The following FAM167A variants were observed in gnomAD, a reference collection of about 807,000 sequenced individuals.
FAM167A encodes the protein protein FAM167A.
Under a neutral mutation model 14.9 loss-of-function variants are expected in FAM167A, and 23 were observed. The observed-to-expected ratio is 1.55, with a 90% CI of 1.11 to 2.19. The LOEUF (loss-of-function observed/expected upper bound fraction) is 2.19, where lower values mean the gene tolerates loss of function less well. Among genes scored for constraint, FAM167A ranks in the 30% most tolerant of loss-of-function variants. FAM167A has a pLI of 0.00. For synonymous variants in FAM167A, 174 were observed against 117.7 expected (o/e 1.48, Z -3.10); for missense variants, 401 against 281.5 (o/e 1.42, Z -3.04).
chr8:11,425,044 A>G (rs1805038160), intron 2 of FAM167A, among the ~76,000 whole-genome samples: 1 of 152,158 alleles, frequency 6.6e-6, no homozygotes, highest in Non-Finnish European at 1.5e-5. Flanking sequence ...GGAAAGGTAT[A>G]TGGGGGCTTT....
intron 1 of FAM167A, among the ~76,000 whole-genome samples, chr8:11,448,689 C>A (rs924627396): frequency 1.3e-5 from 2 of 152,252 alleles, no homozygotes; most frequent in African/African-American, 2.4e-5. Context: ...GCTCCACTTA[C>A]TAAAACCATT....
chr8:11,426,916 G>C lies in FAM167A; in HGVS notation c.382-2280C>G, dbSNP rs577585078. ...ATGCATTCGTCTCAGGCGAGCAGAG[G>C]GATGACTTTGAGTTTTGTCCTTTGT... On this transcript the variant is annotated intron_variant, in intron 2 of 2. Transcript: ENST00000284486. Among the ~76,000 whole-genome samples the C allele has an allele frequency of 2.3e-3, 349 of 152,250 alleles. 3 individuals are homozygous for C. The highest frequency in any genetic ancestry group is 2.4e-3 in the Non-Finnish European group (161 of 68,020).
chr8:11,466,479 C>T (rs975501799), intron 1 of FAM167A, 147 bp downstream of exon 1: 1 of 146,914 alleles, frequency 6.8e-6, no homozygotes, highest in East Asian at 1.9e-4. Flanking sequence ...GAGCGCGTCC[C>T]CTCCAGGGCG....
chr8:11,459,280 G>T (rs555826617), intron 1 of FAM167A, among the ~76,000 whole-genome samples: 1 of 152,130 alleles, frequency 6.6e-6, no homozygotes, highest in Non-Finnish European at 1.5e-5. Flanking sequence ...TCACAAGCAG[G>T]TCAGGGAAGG....
chr8:11,471,758 C>T (rs899194042), upstream of FAM167A, among the ~76,000 whole-genome samples: 4 of 152,208 alleles, frequency 2.6e-5, no homozygotes, highest in Non-Finnish European at 5.9e-5. Context: ...AATCCACTCC[C>T]TCCTTTCCAC....
chr8:11,456,357 GGT>G (rs1197591653), intron 1 of FAM167A, among the ~76,000 whole-genome samples: 5 of 17,830 alleles, frequency 2.8e-4, no homozygotes, highest in African/African-American at 1.0e-3. Context: ...TGCCCTGCTG[GGT>G]GTGTGTGTGG....
intron 2 of FAM167A, among the ~76,000 whole-genome samples, chr8:11,433,446 A>C (rs7003814): frequency 1.3e-5 from 2 of 152,104 alleles, no homozygotes; most frequent in Non-Finnish European, 2.9e-5. Context: ...GGCTGTGTGC[A>C]CTTTGGCTTA....
intron 2 of FAM167A, among the ~76,000 whole-genome samples, chr8:11,427,045 G>C (rs1171609695): frequency 6.6e-6 from 1 of 152,190 alleles, no homozygotes; most frequent in Non-Finnish European, 1.5e-5. Flanking sequence ...AGTTCTTTGT[G>C]GGCCAATTGT....
At chr8:11,452,047 C>G (rs1807046381) in intron 1 of FAM167A, among the ~76,000 whole-genome samples, 1 of 152,158 alleles carries the variant, frequency 6.6e-6, no homozygotes, top group Admixed American at 6.5e-5. Flanking sequence ...AATGTCATGA[C>G]AATCCAAAAG....
chr8:11,427,807 T>A (rs557961272), intron 2 of FAM167A, among the ~76,000 whole-genome samples: 1 of 152,348 alleles, frequency 6.6e-6, no homozygotes, highest in African/African-American at 2.4e-5. Context: ...ATTCATTAGT[T>A]TACTTTTCAA....
chr8:11,424,266 A>G lies in FAM167A; in HGVS notation c.*107T>C. On this transcript the variant is annotated 3_prime_UTR_variant, in exon 3 of 3. Coordinates refer to ENST00000284486, the MANE Select transcript of FAM167A (RefSeq NM_053279.3). ...GGCCCTTGAGTCGCCAGTCCCAGGG[A>G]CCCCTGCCTCCGGGAGACCCACTGG... The G allele has an allele frequency of 3.4e-6, 5 of 1,476,340 alleles. No homozygotes were observed. The highest frequency in any genetic ancestry group is 4.6e-6 in the Non-Finnish European group (5 of 1,088,256). The allele number at this position is 1,476,340 out of a possible 1,614,324, so 91.5% of individuals were successfully genotyped here.
intron 2 of FAM167A, among the ~76,000 whole-genome samples, 162 bp downstream of exon 2, chr8:11,443,869 G>A (rs1806595419): frequency 6.6e-6 from 1 of 151,994 alleles, no homozygotes. Flanking sequence ...AATGACGCCT[G>A]CCTTCAACTC....
intron 1 of FAM167A, among the ~76,000 whole-genome samples, chr8:11,475,670 C>G (rs1445028031): frequency 6.6e-6 from 1 of 152,128 alleles, no homozygotes; most frequent in African/African-American, 2.4e-5. Context: ...ATATCCAGTA[C>G]CAATTATATG....
chr8:11,435,815 G>A (rs559925006), intron 2 of FAM167A, among the ~76,000 whole-genome samples: 89 of 152,236 alleles, frequency 5.8e-4, no homozygotes, highest in African/African-American at 2.1e-3. Flanking sequence ...TAATTAAATG[G>A]GCACACACTA....
intron 2 of FAM167A, among the ~76,000 whole-genome samples, chr8:11,443,365 AAC>A (rs1806554255): frequency 6.6e-6 from 1 of 152,208 alleles, no homozygotes; most frequent in South Asian, 2.1e-4. Flanking sequence ...TCCCAGCTCA[AAC>A]ACAATGTGCC....
chr8:11,458,768 G>C lies in FAM167A; in HGVS notation c.-398+7858C>G, dbSNP rs999967289. 3.3e-5 allele frequency among the ~76,000 whole-genome samples: 5 copies of C among 152,028 alleles called. No homozygotes were observed. The East Asian group carries it at 9.6e-4, about 29-fold the overall frequency. On this transcript the variant is annotated intron_variant, in intron 1 of 2. Transcript: ENST00000284486. ...TGTAGTAAAAAGGGAATAAGCCTGA[G>C]GTAAGGCGAACTAAGGGAAAAAAAA...
intron 1 of FAM167A, among the ~76,000 whole-genome samples, chr8:11,457,812 G>A (rs1475434780): frequency 6.6e-6 from 1 of 151,982 alleles, no homozygotes; most frequent in Non-Finnish European, 1.5e-5. Context: ...CACCTTCCAG[G>A]CCACCTTTCT....
intron 2 of FAM167A, among the ~76,000 whole-genome samples, chr8:11,433,553 A>G (rs767902106): frequency 1.3e-5 from 2 of 152,210 alleles, no homozygotes; most frequent in Non-Finnish European, 2.9e-5. Flanking sequence ...TGCATCTTTA[A>G]AGCTGGCTTG....
At chr8:11,454,808 G>T (rs571645532) in intron 1 of FAM167A, among the ~76,000 whole-genome samples, 1 of 152,334 alleles carries the variant, frequency 6.6e-6, no homozygotes, top group Admixed American at 6.5e-5. Context: ...GGACCAGACA[G>T]GACTGGGCTG....
Sources: allele counts gnomAD v4.1 joint callset (sites outside exome capture counted in the v4.1 genomes callset), GRCh38; gene constraint gnomAD v4.1.1; transcripts MANE v1.5; gene names NCBI Gene and HGNC (gene_info 2026-07-23, HGNC 2026-07-21).